Variants in DLG1 observed in about 807,000 individuals in gnomAD.
DLG1 encodes discs large MAGUK scaffold protein 1.
In DLG1, 42 loss-of-function variants were observed where a neutral mutation model predicts 123.4. That is an observed-to-expected ratio of 0.34 (90% CI 0.27 to 0.44). The LOEUF is 0.44. DLG1 is among the 20% of genes least tolerant of loss of function. DLG1 has a pLI of 1.00. For missense variants in DLG1, 942 were observed against 1,082.6 expected (o/e 0.87, Z 1.82); for synonymous variants, 317 against 356.2 (o/e 0.89, Z 1.24).
intron 14 of DLG1, among the ~76,000 whole-genome samples, chr3:197,092,639 C>T (rs73084522): frequency 0.011 from 1,677 of 152,150 alleles, 33 homozygotes; most frequent in African/African-American, 0.038. Flanking sequence ...GTGAGACCAT[C>T]GTGTGCACCA....
intron 4 of DLG1, among the ~76,000 whole-genome samples, chr3:197,268,768 C>T (rs1302991393): frequency 6.6e-6 from 1 of 151,996 alleles, no homozygotes; most frequent in Non-Finnish European, 1.5e-5. Flanking sequence ...TAGCTTAAAA[C>T]ACAAATACAC....
intron 14 of DLG1, among the ~76,000 whole-genome samples, chr3:197,103,413 G>T (rs949983891): frequency 1.3e-5 from 2 of 151,900 alleles, no homozygotes; most frequent in Non-Finnish European, 2.9e-5. Context: ...TAATACTAAG[G>T]AACCAGTGAC....
At chr3:197,158,721 C>T (rs577960021) in intron 5 of DLG1, among the ~76,000 whole-genome samples, 6 of 147,742 alleles carry the variant, frequency 4.1e-5, no homozygotes, top group Middle Eastern at 3.4e-3. Flanking sequence ...TCACATTATG[C>T]GGGAGCTATT....
chr3:197,044,465 T>G lies in DLG1; in HGVS notation c.*158A>C. Reference sequence around the variant, plus strand: ...ATTAAATAATACACACGATGTAACTTGAAGGAGACACTACATGTGAAAAAG... The same window carrying G: ...ATTAAATAATACACACGATGTAACTGGAAGGAGACACTACATGTGAAAAAG... On this transcript the variant is annotated 3_prime_UTR_variant, in exon 25 of 25. Transcript: ENST00000667157. The G allele has an allele frequency of 2.1e-6, 1 of 486,898 alleles. No homozygotes were observed. Among genetic ancestry groups the G allele is most frequent in the South Asian group, 3.6e-5 (1 of 27,808 alleles). 30.2% of individuals were successfully genotyped at this position (486,898 alleles called of 1,614,324 possible). A position where few individuals can be genotyped will look rare whatever the true frequency, so the allele number is the denominator to read the frequency against.
intron 14 of DLG1, 28 bp from the exon 15 acceptor site, chr3:197,091,054 G>C: frequency 6.9e-7 from 1 of 1,441,992 alleles, no homozygotes; most frequent in Non-Finnish European, 9.7e-7. Context: ...GAAATAAATT[G>C]ATATATTTTC....
chr3:197,220,249 C>T (rs1321347186), intron 4 of DLG1, among the ~76,000 whole-genome samples: 2 of 152,200 alleles, frequency 1.3e-5, no homozygotes, highest in Non-Finnish European at 2.9e-5. Flanking sequence ...CCTATTTTAA[C>T]TTCCTGAAAT....
rs575838771 is a variant in DLG1 at position 197,224,537 on chromosome 3, T to C, written c.319-29948A>G. Among the ~76,000 whole-genome samples the C allele has an allele frequency of 2.2e-3, 341 of 152,214 alleles. 1 individual carries two copies. Among genetic ancestry groups the C allele is most frequent in the Non-Finnish European group, 3.4e-3 (234 of 68,024 alleles). On this transcript the variant is annotated intron_variant, in intron 4 of 24. Coordinates refer to ENST00000667157, the MANE Select transcript of DLG1 (RefSeq NM_001366207.1). ...GCCTTAGCTATTTAAACAATGCATA[T>C]GAATTTTTTACTGGCTCATAGTTTA... is the stretch of plus-strand genomic sequence containing the variant.
chr3:197,138,323 T>C lies in DLG1; in HGVS notation c.782A>G (p.Glu261Gly). 6.2e-7 allele frequency: 1 copy of C among 1,602,356 alleles called. No individual in the cohort carries two copies. Among genetic ancestry groups the C allele is most frequent in the African/African-American group, 1.3e-5 (1 of 74,890 alleles). The change falls in exon 9 of 25, where the codon GAA becomes GGA. Residue 261 changes from glutamate to glycine, a missense_variant. Glu to Gly is a moderately conservative substitution (Grantham distance 98). Coordinates refer to ENST00000667157, the MANE Select transcript of DLG1 (RefSeq NM_001366207.1). ...AATAGACCCTGCTTCTTTCAACGCT[T>C]CAACTGCTTTGCTATGTGTTACATC... ...VRDVTHSKAVEALKEAGSIVR... is the reference protein window; with the variant it reads ...VRDVTHSKAVGALKEAGSIVR...
chr3:197,165,407 G>C (rs769107343), intron 5 of DLG1, among the ~76,000 whole-genome samples: 1 of 152,116 alleles, frequency 6.6e-6, no homozygotes, highest in Non-Finnish European at 1.5e-5. Context: ...TCCCAGTCTG[G>C]GATGATGAAA....
chr3:197,190,649 CA>C (rs1310740564), intron 5 of DLG1, among the ~76,000 whole-genome samples: 1 of 152,180 alleles, frequency 6.6e-6, no homozygotes, highest in Non-Finnish European at 1.5e-5. Context: ...GTCTGCGTTC[CA>C]ATTCACATCC....
chr3:197,270,595 A>G (rs992787334), intron 4 of DLG1, among the ~76,000 whole-genome samples: 5 of 152,338 alleles, frequency 3.3e-5, no homozygotes, highest in South Asian at 4.1e-4. Context: ...GAAACCTCAA[A>G]TGTAGTGATT....
chr3:197,229,220 C>T (rs548963967), intron 4 of DLG1, among the ~76,000 whole-genome samples: 39 of 152,150 alleles, frequency 2.6e-4, no homozygotes, highest in Admixed American at 2.3e-3. Flanking sequence ...CTTTAACACA[C>T]TATTTACTAG....
intron 23 of DLG1, among the ~76,000 whole-genome samples, chr3:197,055,751 TAATA>T (rs1418010769): frequency 6.6e-6 from 1 of 152,134 alleles, no homozygotes; most frequent in Non-Finnish European, 1.5e-5. Context: ...TGTTTTTACT[TAATA>T]TTTTTTCTTT....
chr3:197,297,331 A>C, intron 1 of DLG1, 96 bp from the exon 2 acceptor site: 1 of 1,518,046 alleles, frequency 6.6e-7, no homozygotes, highest in Non-Finnish European at 8.8e-7. Context: ...CTATTTGAAA[A>C]CCCCACGTTC....
At chr3:197,187,822 C>T (rs973003958) in intron 5 of DLG1, among the ~76,000 whole-genome samples, 4 of 152,204 alleles carry the variant, frequency 2.6e-5, no homozygotes, top group African/African-American at 9.6e-5. Flanking sequence ...AATTTACCCA[C>T]TGTGTCCTTC....
At chr3:197,185,739 G>A (rs1715544748) in intron 5 of DLG1, among the ~76,000 whole-genome samples, 1 of 152,164 alleles carries the variant, frequency 6.6e-6, no homozygotes, top group Non-Finnish European at 1.5e-5. Flanking sequence ...AAGGGGAGGA[G>A]AAAACTGATA....
chr3:197,137,357 C>A (rs1785538441), intron 9 of DLG1, among the ~76,000 whole-genome samples: 1 of 152,162 alleles, frequency 6.6e-6, no homozygotes, highest in Admixed American at 6.5e-5. Flanking sequence ...ATATTATAAA[C>A]ACTTCTTCTT....
rs141191937 is a variant in DLG1 at position 197,050,801 on chromosome 3, C to A, written c.2575+776G>T. 2.0e-5 allele frequency among the ~76,000 whole-genome samples: 3 copies of A among 152,178 alleles called. No individual in the cohort carries two copies. The East Asian group carries it at 5.8e-4, about 29-fold the overall frequency. On this transcript the variant is annotated intron_variant, in intron 24 of 24. Transcript: ENST00000667157. The stretch of plus-strand genomic sequence containing the variant: ...AGATCTTAAGAGTCTTCCCTACACA[C>A]ACAAAATGGTAACTGTGTGGTTAAA...
At chr3:197,052,073 C>T (rs991085545) in intron 23 of DLG1, among the ~76,000 whole-genome samples, 1 of 151,960 alleles carries the variant, frequency 6.6e-6, no homozygotes, top group South Asian at 2.1e-4. Context: ...ACTCCTGACC[C>T]CAGGTAATCT....
Sources: allele counts gnomAD v4.1 joint callset (sites outside exome capture counted in the v4.1 genomes callset), GRCh38; gene constraint gnomAD v4.1.1; transcripts MANE v1.5; gene names NCBI Gene and HGNC (gene_info 2026-07-23, HGNC 2026-07-21).